The following TMTC4 variants were observed in gnomAD, a reference collection of about 807,000 sequenced individuals.
TMTC4 encodes protein O-mannosyl-transferase TMTC4.
In TMTC4, 65 loss-of-function variants were observed where a neutral mutation model predicts 86.0. That is an observed-to-expected ratio of 0.76 (90% CI 0.62 to 0.93). The LOEUF (loss-of-function observed/expected upper bound fraction) is 0.93, where lower values mean the gene tolerates loss of function less well. TMTC4 is among the 40% of genes least tolerant of loss of function. The pLI is 0.00. For synonymous variants in TMTC4, 379 were observed against 382.5 expected (o/e 0.99, Z 0.11); for missense variants, 866 against 948.1 (o/e 0.91, Z 1.14).
In TMTC4 at chr13:100,609,682, C is replaced by T. The variant is rs7987381; in HGVS notation, c.2064+2716G>A. Among the ~76,000 whole-genome samples the T allele has an allele frequency of 3.0e-3, 254 of 83,536 alleles. 2 individuals carry two copies. Among genetic ancestry groups the T allele is most frequent in the Middle Eastern group, 6.6e-3 (1 of 152 alleles). The allele number at this position is 83,536 out of a possible 152,430, so 54.8% of individuals were successfully genotyped here. ...AATGCTCACTAAATGTATATATATA[C>T]ACACACACACACACACACACCCATA... On this transcript the variant is annotated intron_variant, in intron 17 of 18. Transcript: ENST00000342624.
intron 6 of TMTC4, among the ~76,000 whole-genome samples, chr13:100,650,667 A>G (rs973135850): frequency 2.0e-5 from 3 of 152,236 alleles, no homozygotes; most frequent in African/African-American, 7.2e-5. Flanking sequence ...GAAAGAAGTC[A>G]GGCTTGCTGG....
chr13:100,622,799 T>C (rs537938284), intron 15 of TMTC4, among the ~76,000 whole-genome samples: 1 of 152,170 alleles, frequency 6.6e-6, no homozygotes, highest in Non-Finnish European at 1.5e-5. Flanking sequence ...TATTATACTT[T>C]AAGTTTTAGC....
chr13:100,648,734 C>T (rs566255875), intron 6 of TMTC4, among the ~76,000 whole-genome samples: 1 of 152,342 alleles, frequency 6.6e-6, no homozygotes, highest in African/African-American at 2.4e-5. Flanking sequence ...GGCTGGAGTA[C>T]AGTAGCATGA....
chr13:100,604,567 A>AAT lies in TMTC4; in HGVS notation c.*425_*426dup, dbSNP rs1876293459. ...TGCTTTGTCATTAAATAAAAATGCT[A>AAT]ATATATAGACATGTTCAATATTTAT... On this transcript the variant is annotated 3_prime_UTR_variant, in exon 19 of 19. Transcript: ENST00000342624. 2 of 152,738 alleles carry AAT rather than the reference A, an allele frequency of 1.3e-5. No individual in the cohort carries two copies. Among genetic ancestry groups the AAT allele is most frequent in the Admixed American group, 1.3e-4 (2 of 15,290 alleles). The allele number at this position is 152,738 out of a possible 1,614,324, so 9.5% of individuals were successfully genotyped here. A position where few individuals can be genotyped will look rare whatever the true frequency, so the allele number is the denominator to read the frequency against.
chr13:100,626,903 C>T (rs1566583968), intron 12 of TMTC4, among the ~76,000 whole-genome samples: 2 of 152,144 alleles, frequency 1.3e-5, no homozygotes, highest in African/African-American at 4.8e-5. Context: ...AGTAGGGCCT[C>T]TGGGAAGTGA....
rs113507420 is a variant in TMTC4, at chr13:100,669,409, T to C, written c.4-615A>G. Among the ~76,000 whole-genome samples, 284 of 152,058 alleles carry C rather than the reference T, an allele frequency of 1.9e-3. 2 individuals are homozygous for C. Among genetic ancestry groups the C allele is most frequent in the African/African-American group, 6.5e-3 (271 of 41,450 alleles). On this transcript the variant is annotated intron_variant, in intron 2 of 18. Transcript: ENST00000342624. Reference sequence around the variant, plus strand: ...CTACTGGCTCAACACAGAGGACAGATAGAGGAAATGACTGGTGGGGACAAT... The same window carrying C: ...CTACTGGCTCAACACAGAGGACAGACAGAGGAAATGACTGGTGGGGACAAT...
intron 6 of TMTC4, among the ~76,000 whole-genome samples, chr13:100,655,279 T>C (rs1884961741): frequency 6.6e-6 from 1 of 152,162 alleles, no homozygotes; most frequent in African/African-American, 2.4e-5. Context: ...CACCTCAGCC[T>C]CCCAAAGTGC....
chr13:100,628,025 T>C (rs1223435316), intron 12 of TMTC4, among the ~76,000 whole-genome samples: 1 of 151,742 alleles, frequency 6.6e-6, no homozygotes, highest in Non-Finnish European at 1.5e-5. Context: ...GAGGGAAGAG[T>C]GTCAAGAACA....
At chr13:100,619,141 C>T (rs1273986870) in intron 15 of TMTC4, among the ~76,000 whole-genome samples, 10 of 150,628 alleles carry the variant, frequency 6.6e-5, no homozygotes, top group Admixed American at 2.0e-4. Flanking sequence ...ACCTCCCTCC[C>T]GGACGGGGCG....
chr13:100,652,633 A>G (rs1396599201), intron 6 of TMTC4, among the ~76,000 whole-genome samples: 1 of 152,184 alleles, frequency 6.6e-6, no homozygotes, highest in Non-Finnish European at 1.5e-5. Flanking sequence ...ATTTAATAGA[A>G]GATGAAGGAA....
chr13:100,672,398 C>G (rs561323166), intron 1 of TMTC4, among the ~76,000 whole-genome samples: 1 of 152,362 alleles, frequency 6.6e-6, no homozygotes, highest in East Asian at 1.9e-4. Context: ...TAAACGACTT[C>G]TGTTCCTCAA....
At chr13:100,668,942 CT>C in intron 2 of TMTC4, 148 bp from the exon 3 acceptor site, 3 of 853,034 alleles carry the variant, frequency 3.5e-6, no homozygotes, top group Non-Finnish European at 5.3e-6. Flanking sequence ...GCTTCCCAAA[CT>C]TTAGTGGGCA....
intron 6 of TMTC4, among the ~76,000 whole-genome samples, chr13:100,650,178 A>G (rs193133861): frequency 1.2e-3 from 176 of 152,346 alleles, no homozygotes; most frequent in Admixed American, 1.7e-3. Flanking sequence ...ATTAGCAAAC[A>G]TCAATAGTTT....
chr13:100,611,288 T>TA, intron 17 of TMTC4, among the ~76,000 whole-genome samples: 1 of 152,320 alleles, frequency 6.6e-6, no homozygotes, highest in South Asian at 2.1e-4. Context: ...GGATGCCAGC[T>TA]AAAAATGCAT....
intron 17 of TMTC4, among the ~76,000 whole-genome samples, chr13:100,609,787 G>C (rs529180723): frequency 1.3e-5 from 2 of 152,176 alleles, no homozygotes; most frequent in East Asian, 1.9e-4. Context: ...CTTGTCAAGA[G>C]GGTGGGCAGA....
At chr13:100,662,873 T>C in intron 5 of TMTC4, 91 bp downstream of exon 5, 2 of 1,410,556 alleles carry the variant, frequency 1.4e-6, no homozygotes, top group Non-Finnish European at 2.0e-6. Context: ...GATGGGTACA[T>C]AAAGGGAGCC....
chr13:100,643,221 G>A (rs1594319356), intron 6 of TMTC4, among the ~76,000 whole-genome samples: 2 of 152,168 alleles, frequency 1.3e-5, no homozygotes, highest in South Asian at 2.1e-4. Flanking sequence ...AAAAGAGATC[G>A]GTATCAAGTG....
At chr13:100,651,087 AG>A (rs1884377529) in intron 6 of TMTC4, among the ~76,000 whole-genome samples, 1 of 152,224 alleles carries the variant, frequency 6.6e-6, no homozygotes, top group Admixed American at 6.5e-5. Flanking sequence ...TGGTTGTTCT[AG>A]GTATATAGAA....
chr13:100,626,989 C>T (rs996431459), intron 12 of TMTC4, among the ~76,000 whole-genome samples: 1 of 152,192 alleles, frequency 6.6e-6, no homozygotes, highest in South Asian at 2.1e-4. Flanking sequence ...CCCATGCCCC[C>T]TTTCCGCCAC....
Sources: gnomAD v4.1 joint callset for allele counts (sites outside exome capture counted in the v4.1 genomes callset) on GRCh38, gnomAD v4.1.1 for gene constraint, MANE v1.5 for transcripts, NCBI Gene and HGNC (gene_info 2026-07-23, HGNC 2026-07-21) for gene names.